The following CLINT1 variants were observed in gnomAD, a reference collection of about 807,000 sequenced individuals.
CLINT1 encodes clathrin interacting protein localized in the trans-Golgi region.
Under a neutral mutation model 70.4 loss-of-function variants are expected in CLINT1, and 15 were observed. That is an observed-to-expected ratio of 0.21 (90% CI 0.14 to 0.33). The LOEUF (loss-of-function observed/expected upper bound fraction) is 0.33. Ranked by LOEUF, CLINT1 falls within the 10% of genes least tolerant of loss-of-function variation. The pLI is 1.00. For missense variants in CLINT1, 615 were observed against 778.1 expected (o/e 0.79, Z 2.49); for synonymous variants, 227 against 254.7 (o/e 0.89, Z 1.04).
intron 2 of CLINT1, 57 bp downstream of exon 2, chr5:157,817,386 T>G: frequency 1.9e-6 from 2 of 1,078,110 alleles, no homozygotes; most frequent in South Asian, 2.9e-5. Flanking sequence ...AATTTCATAT[T>G]TCTGTGTTAA....
intron 1 of CLINT1, among the ~76,000 whole-genome samples, chr5:157,845,455 G>A (rs254668): frequency 0.56 from 84,361 of 151,920 alleles, 23,888 homozygotes; most frequent in East Asian, 0.79. Context: ...CACCTTTCTG[G>A]TAGCGAAATA....
intron 9 of CLINT1, among the ~76,000 whole-genome samples, chr5:157,793,933 G>A (rs1761991327): frequency 6.6e-6 from 1 of 151,984 alleles, no homozygotes. Context: ...CACTAACTCA[G>A]TCAAATTACA....
chr5:157,788,968 GAAAAAAAAA>G (rs58634730), intron 11 of CLINT1, among the ~76,000 whole-genome samples: 11,621 of 95,842 alleles, frequency 0.12, 575 homozygotes, highest in South Asian at 0.24. Flanking sequence ...CTCCATCTCA[GAAAAAAAAA>G]AAAAAAAAAA....
intron 7 of CLINT1, among the ~76,000 whole-genome samples, chr5:157,805,167 A>G (rs1349110136): frequency 6.6e-6 from 1 of 152,220 alleles, no homozygotes. Flanking sequence ...TGCTGCATAC[A>G]TTAGAAAACT....
At chr5:157,795,696 T>A (rs1331844007) in intron 8 of CLINT1, 1 of 152,148 alleles carries the variant, frequency 6.6e-6, no homozygotes, top group African/African-American at 2.4e-5. Flanking sequence ...TTGTAATTTT[T>A]AAAAATAAAA....
intron 6 of CLINT1, among the ~76,000 whole-genome samples, chr5:157,807,560 C>A (rs1762425952): frequency 6.6e-6 from 1 of 152,078 alleles, no homozygotes; most frequent in South Asian, 2.1e-4. Flanking sequence ...ATATGCAACT[C>A]TGTCAAAAAA....
At chr5:157,817,675 C>G (rs969824430) in intron 1 of CLINT1, 128 bp from the exon 2 acceptor site, 2 of 596,656 alleles carry the variant, frequency 3.4e-6, no homozygotes, top group African/African-American at 3.7e-5. Flanking sequence ...GGAGAGAAAA[C>G]ATCTTTTGTG....
chr5:157,821,821 A>G (rs1762887150), intron 1 of CLINT1, among the ~76,000 whole-genome samples: 1 of 152,242 alleles, frequency 6.6e-6, no homozygotes, highest in African/African-American at 2.4e-5. Flanking sequence ...GGAATGAAAG[A>G]TGGAAGGAAT....
rs1041872064 is a variant in CLINT1 at position 157,806,991 on chromosome 5, C to A, written c.696-879G>T. Reference sequence around the variant, plus strand: ...GAGAGAGAGAGAGAGAGAGAGAGAGCGAAAGAGAGAGAAAGAGAGAAATGT... The same window carrying A: ...GAGAGAGAGAGAGAGAGAGAGAGAGAGAAAGAGAGAGAAAGAGAGAAATGT... On this transcript the variant is annotated intron_variant, in intron 6 of 11. Transcript: ENST00000411809. Among the ~76,000 whole-genome samples, 21 of 136,632 alleles carry A rather than the reference C, an allele frequency of 1.5e-4. No homozygotes were observed. The South Asian group carries it at 3.7e-3, about 24-fold the overall frequency. The allele number at this position is 136,632 out of a possible 152,430, so 89.6% of individuals were successfully genotyped here.
At chr5:157,853,517 C>T (rs1249494157) in intron 1 of CLINT1, among the ~76,000 whole-genome samples, 4 of 151,996 alleles carry the variant, frequency 2.6e-5, no homozygotes, top group African/African-American at 7.2e-5. Context: ...AGGCTCACGC[C>T]TGTAATCCCA....
intron 7 of CLINT1, among the ~76,000 whole-genome samples, chr5:157,804,959 G>A (rs1277726571): frequency 7.5e-6 from 1 of 133,064 alleles, no homozygotes; most frequent in African/African-American, 2.6e-5. Context: ...GAAAAAGCTT[G>A]TACTACAAAT....
chr5:157,793,607 CTT>C (rs1192626578), intron 9 of CLINT1, among the ~76,000 whole-genome samples: 1 of 152,118 alleles, frequency 6.6e-6, no homozygotes, highest in Non-Finnish European at 1.5e-5. Context: ...TACATAAAAA[CTT>C]TGAGAATTAG....
In CLINT1 at chr5:157,787,179, A is replaced by G. The variant is rs12284; in HGVS notation, c.*467T>C. Reference sequence around the variant, plus strand: ...AAATATATATTTTTATAAAAAACTGATCATCCAACTTTAATGATTTCATAT... The same window carrying G: ...AAATATATATTTTTATAAAAAACTGGTCATCCAACTTTAATGATTTCATAT... On this transcript the variant is annotated 3_prime_UTR_variant, in exon 12 of 12. Transcript: ENST00000411809. 0.13 allele frequency: 19,232 copies of G among 153,784 alleles called. 1,273 individuals are homozygous for G. The highest frequency in any genetic ancestry group is 0.16 in the Admixed American group (2,446 of 15,478). 9.5% of individuals were successfully genotyped at this position (153,784 alleles called of 1,614,324 possible).
intron 9 of CLINT1, among the ~76,000 whole-genome samples, chr5:157,792,768 A>C (rs1761956880): frequency 6.6e-6 from 1 of 152,212 alleles, no homozygotes; most frequent in Non-Finnish European, 1.5e-5. Context: ...CCATACTCTT[A>C]ATCACTACAG....
At chr5:157,792,143 C>G (rs1462566554) in intron 9 of CLINT1, 148 bp from the exon 10 acceptor site, 4 of 672,486 alleles carry the variant, frequency 5.9e-6, no homozygotes, top group Non-Finnish European at 9.9e-6. Context: ...AGTATTCTTT[C>G]TCATAAATAT....
chr5:157,839,632 A>C (rs1371891278), intron 1 of CLINT1, among the ~76,000 whole-genome samples: 1 of 151,664 alleles, frequency 6.6e-6, no homozygotes, highest in Non-Finnish European at 1.5e-5. Context: ...CAAACAAAAA[A>C]AAACAGAACT....
intron 1 of CLINT1, among the ~76,000 whole-genome samples, chr5:157,848,641 C>T (rs1258503329): frequency 6.6e-6 from 1 of 151,818 alleles, no homozygotes; most frequent in Admixed American, 6.6e-5. Context: ...GTAGCTGGGA[C>T]TACAGGGGTG....
At chr5:157,852,227 A>G (rs1292885563) in intron 1 of CLINT1, among the ~76,000 whole-genome samples, 1 of 152,218 alleles carries the variant, frequency 6.6e-6, no homozygotes, top group Non-Finnish European at 1.5e-5. Flanking sequence ...AATTCGCGAT[A>G]TGTCTTTCCA....
At chr5:157,792,122 TC>T (rs1761933519) in intron 9 of CLINT1, 127 bp from the exon 10 acceptor site, 1 of 734,660 alleles carries the variant, frequency 1.4e-6, no homozygotes, top group East Asian at 2.6e-5. Flanking sequence ...AGGTACCATC[TC>T]CATCTGGACA....
Sources: gnomAD v4.1 joint callset for allele counts (sites outside exome capture counted in the v4.1 genomes callset) on GRCh38, gnomAD v4.1.1 for gene constraint, MANE v1.5 for transcripts, NCBI Gene and HGNC (gene_info 2026-07-23, HGNC 2026-07-21) for gene names.